Variants in CCDC60 observed in about 807,000 individuals in gnomAD.
The protein encoded by CCDC60 is coiled-coil domain-containing protein 60.
A neutral mutation model predicts 63.5 loss-of-function variants in CCDC60; 54 were observed. The observed-to-expected ratio is 0.85, with a 90% CI of 0.68 to 1.07. The LOEUF is 1.07. CCDC60 is among the 50% of genes least tolerant of loss of function. The probability of loss-of-function intolerance (pLI) is 0.00; values close to 1 mark genes in which losing one functional copy is unlikely to be tolerated. For missense variants in CCDC60, 651 were observed against 684.3 expected, an observed-to-expected ratio of 0.95 and a Z score of 0.54; for synonymous variants, 206 against 238.8, an observed-to-expected ratio of 0.86 and a Z score of 1.27.
At chr12:119,508,428 C>G (rs1952113849) in intron 7 of CCDC60, among the ~76,000 whole-genome samples, 1 of 149,986 alleles carries the variant, frequency 6.7e-6, no homozygotes, top group African/African-American at 2.5e-5. Context: ...TTGTAGTGAG[C>G]TGAAATCACA....
chr12:119,540,922 C>T lies in CCDC60; in HGVS notation c.*207C>T. 2.0e-6 allele frequency: 1 copy of T among 506,532 alleles called. No homozygotes were observed. The highest frequency in any genetic ancestry group is 3.5e-6 in the Non-Finnish European group (1 of 285,972). The allele number at this position is 506,532 out of a possible 1,614,324, so 31.4% of individuals were successfully genotyped here. On this transcript the variant is annotated 3_prime_UTR_variant, in exon 14 of 14. Transcript: ENST00000327554. ...TGGCCCTCCCCTCAATTCCACACCCCAGACCCAACCTACCAGTCTCTGTTC... is the reference window on the plus strand; with the variant it reads ...TGGCCCTCCCCTCAATTCCACACCCTAGACCCAACCTACCAGTCTCTGTTC...
intron 2 of CCDC60, among the ~76,000 whole-genome samples, chr12:119,431,174 A>G (rs925585461): frequency 2.6e-5 from 4 of 152,226 alleles, no homozygotes; most frequent in African/African-American, 9.6e-5. Context: ...GGGGAATTGC[A>G]ATAGAGAAAG....
intron 1 of CCDC60, among the ~76,000 whole-genome samples, chr12:119,398,968 C>A: frequency 6.6e-6 from 1 of 152,168 alleles, no homozygotes; most frequent in East Asian, 1.9e-4. Flanking sequence ...TGAATGTCTC[C>A]TTTTTACAGA....
At chr12:119,340,624 C>T (rs938343146) in intron 1 of CCDC60, among the ~76,000 whole-genome samples, 2 of 151,898 alleles carry the variant, frequency 1.3e-5, no homozygotes, top group African/African-American at 4.8e-5. Flanking sequence ...TGCCTGGAGT[C>T]GGAAAAGGAG....
chr12:119,431,835 C>T (rs539668443), intron 2 of CCDC60, among the ~76,000 whole-genome samples: 63 of 152,234 alleles, frequency 4.1e-4, no homozygotes, highest in Admixed American at 1.2e-3. Flanking sequence ...CCCACCACCA[C>T]GCCTGGCTAA....
intron 1 of CCDC60, among the ~76,000 whole-genome samples, chr12:119,408,742 T>C (rs1593044803): frequency 6.6e-6 from 1 of 151,674 alleles, no homozygotes; most frequent in African/African-American, 2.4e-5. Flanking sequence ...AGGAGAATGG[T>C]GTGAACCTGG....
At chr12:119,393,624 A>C (rs1956199289) in intron 1 of CCDC60, among the ~76,000 whole-genome samples, 1 of 152,242 alleles carries the variant, frequency 6.6e-6, no homozygotes. Flanking sequence ...ATGCTTAATC[A>C]ACTCGCCCTT....
chr12:119,478,866 A>G (rs1951237717), intron 3 of CCDC60, among the ~76,000 whole-genome samples: 1 of 151,726 alleles, frequency 6.6e-6, no homozygotes, highest in Non-Finnish European at 1.5e-5. Flanking sequence ...CGGCCTCCCA[A>G]AGTGCTGGGA....
chr12:119,405,686 A>G (rs1006011886), intron 1 of CCDC60, among the ~76,000 whole-genome samples: 12 of 152,284 alleles, frequency 7.9e-5, no homozygotes, highest in African/African-American at 2.9e-4. Flanking sequence ...ACTTCCTCCA[A>G]TGACCCGTGC....
intron 4 of CCDC60, chr12:119,479,671 G>A (rs1264715137): frequency 6.5e-6 from 1 of 153,084 alleles, no homozygotes; most frequent in Non-Finnish European, 1.5e-5. Context: ...CTAAAGTCTT[G>A]ATGTCTTGTT....
rs141733746 is a variant in CCDC60, at chr12:119,396,184, C to T, written c.91-32499C>T. On this transcript the variant is annotated intron_variant, in intron 1 of 13. Coordinates refer to ENST00000327554, the MANE Select transcript of CCDC60 (RefSeq NM_178499.5). ...AACTCCTGACCTCAAGTGATTCCCC[C>T]GCCTCAGCCTCCTAAAATGCTGGGA... Among the ~76,000 whole-genome samples, 9 of 152,198 alleles carry T rather than the reference C, an allele frequency of 5.9e-5. No homozygotes were observed. The East Asian group carries it at 7.7e-4, about 13-fold the overall frequency.
At chr12:119,346,991 AC>A (rs1465241838) in intron 1 of CCDC60, among the ~76,000 whole-genome samples, 2 of 151,670 alleles carry the variant, frequency 1.3e-5, no homozygotes, top group Non-Finnish European at 2.9e-5. Flanking sequence ...TGCCTGGCTA[AC>A]TTTTGTATTT....
intron 1 of CCDC60, among the ~76,000 whole-genome samples, chr12:119,396,523 G>A (rs1028662904): frequency 6.6e-6 from 1 of 152,062 alleles, no homozygotes; most frequent in Non-Finnish European, 1.5e-5. Context: ...GCTTTGGTGT[G>A]GGCCCTTTCC....
At chr12:119,490,669 A>G (rs1951562120) in intron 5 of CCDC60, among the ~76,000 whole-genome samples, 1 of 152,046 alleles carries the variant, frequency 6.6e-6, no homozygotes, top group African/African-American at 2.4e-5. Context: ...GGCTCAAACA[A>G]TCCTCCTGCC....
chr12:119,491,150 T>C (rs78690576), intron 5 of CCDC60, among the ~76,000 whole-genome samples: 1,680 of 152,318 alleles, frequency 0.011, 32 homozygotes, highest in African/African-American at 0.038. Context: ...AATAGGCATC[T>C]TTCCATGATG....
chr12:119,518,618 T>C (rs1230670935), intron 8 of CCDC60, among the ~76,000 whole-genome samples: 1 of 152,192 alleles, frequency 6.6e-6, no homozygotes, highest in African/African-American at 2.4e-5. Context: ...TCTAGTTCAA[T>C]GAAACATTTT....
chr12:119,529,319 C>T (rs1009270283), intron 12 of CCDC60, among the ~76,000 whole-genome samples: 2 of 152,006 alleles, frequency 1.3e-5, no homozygotes, highest in Admixed American at 1.3e-4. Flanking sequence ...TACATATTAA[C>T]CCCCATTTCA....
intron 1 of CCDC60, among the ~76,000 whole-genome samples, chr12:119,395,471 G>T (rs1300773663): frequency 6.6e-6 from 1 of 152,118 alleles, no homozygotes; most frequent in Non-Finnish European, 1.5e-5. Flanking sequence ...GAGTGGAAGT[G>T]CCACACACTT....
intron 13 of CCDC60, among the ~76,000 whole-genome samples, chr12:119,533,414 T>G (rs1165134053): frequency 5.3e-5 from 8 of 152,148 alleles, no homozygotes; most frequent in Admixed American, 5.2e-4. Context: ...CAGAAGCTCT[T>G]TAGTTTAATC....
Sources: gnomAD v4.1 joint callset for allele counts (sites outside exome capture counted in the v4.1 genomes callset) on GRCh38, gnomAD v4.1.1 for gene constraint, MANE v1.5 for transcripts, NCBI Gene and HGNC (gene_info 2026-07-23, HGNC 2026-07-21) for gene names.